The following SEMA6D variants were observed in gnomAD, a reference collection of about 807,000 sequenced individuals.
SEMA6D encodes the protein semaphorin-6D.
A neutral mutation model predicts 106.6 loss-of-function variants in SEMA6D; 35 were observed. The observed-to-expected ratio is 0.33, with a 90% CI of 0.25 to 0.44. The LOEUF (loss-of-function observed/expected upper bound fraction) is 0.44. Ranked by LOEUF, SEMA6D falls within the 20% of genes least tolerant of loss-of-function variation. The probability of loss-of-function intolerance (pLI) is 1.00; values close to 1 mark genes in which losing one functional copy is unlikely to be tolerated. For missense variants in SEMA6D, 1,185 were observed against 1,345.9 expected (o/e 0.88, Z 1.87); for synonymous variants, 499 against 487.7 (o/e 1.02, Z -0.31).
chr15:47,551,210 C>G (rs2045676476), intron 3 of SEMA6D, among the ~76,000 whole-genome samples: 1 of 152,076 alleles, frequency 6.6e-6, no homozygotes, highest in Non-Finnish European at 1.5e-5. Context: ...ATTAGATGAC[C>G]ACAACTCATG....
At chr15:47,358,677 G>A (rs1253792101) in intron 1 of SEMA6D, among the ~76,000 whole-genome samples, 2 of 152,198 alleles carry the variant, frequency 1.3e-5, no homozygotes, top group Admixed American at 6.5e-5. Context: ...GACAGAAGTA[G>A]TAATGTGCTA....
At chr15:47,339,337 G>T (rs1425410404) in intron 1 of SEMA6D, 1 of 152,192 alleles carries the variant, frequency 6.6e-6, no homozygotes, top group Non-Finnish European at 1.5e-5. Flanking sequence ...TATCTGGTGG[G>T]GAGGGGTCTT....
chr15:47,705,636 C>T (rs1270335791), intron 4 of SEMA6D, among the ~76,000 whole-genome samples: 1 of 152,102 alleles, frequency 6.6e-6, no homozygotes, highest in Non-Finnish European at 1.5e-5. Flanking sequence ...AGAGAATCAC[C>T]TCTTAATCAC....
At chr15:47,489,325 A>C (rs2043393483) in intron 3 of SEMA6D, among the ~76,000 whole-genome samples, 1 of 152,154 alleles carries the variant, frequency 6.6e-6, no homozygotes, top group Non-Finnish European at 1.5e-5. Context: ...CTGAGAGAAT[A>C]AATTTCTGTT....
intron 4 of SEMA6D, among the ~76,000 whole-genome samples, chr15:47,619,712 G>A (rs2077066121): frequency 2.0e-5 from 3 of 152,140 alleles, no homozygotes; most frequent in Non-Finnish European, 4.4e-5. Context: ...GAGAATCACT[G>A]ACTTAATGGA....
chr15:47,711,798 C>T (rs2079029122), intron 4 of SEMA6D, among the ~76,000 whole-genome samples: 1 of 152,142 alleles, frequency 6.6e-6, no homozygotes. Context: ...ATTTTTAGTG[C>T]CTCTTATTTG....
At chr15:47,333,138 C>T (rs2037410140) in intron 1 of SEMA6D, among the ~76,000 whole-genome samples, 1 of 152,096 alleles carries the variant, frequency 6.6e-6, no homozygotes. Flanking sequence ...AGTTTGGCCA[C>T]CTTTGATTAT....
chr15:47,735,791 G>C (rs2080414400), intron 1 of SEMA6D, among the ~76,000 whole-genome samples: 1 of 152,142 alleles, frequency 6.6e-6, no homozygotes, highest in South Asian at 2.1e-4. Flanking sequence ...CCGTAATGGT[G>C]AAAGCCCACA....
At chr15:47,442,628 A>G (rs1262903180) in intron 2 of SEMA6D, among the ~76,000 whole-genome samples, 3 of 152,084 alleles carry the variant, frequency 2.0e-5, no homozygotes, top group Admixed American at 6.6e-5. Flanking sequence ...TGTAAATATT[A>G]TGTTGACATT....
At chr15:47,512,659 T>C (rs749562300) in intron 3 of SEMA6D, among the ~76,000 whole-genome samples, 4 of 152,104 alleles carry the variant, frequency 2.6e-5, no homozygotes, top group Non-Finnish European at 4.4e-5. Context: ...GGTTACCAAA[T>C]TGGGGACCTG....
chr15:47,709,527 TTAA>T (rs1165164973), intron 4 of SEMA6D, among the ~76,000 whole-genome samples: 1 of 152,238 alleles, frequency 6.6e-6, no homozygotes, highest in Non-Finnish European at 1.5e-5. Context: ...ATTGCTGCTA[TTAA>T]TAATAAATGG....
intron 4 of SEMA6D, among the ~76,000 whole-genome samples, chr15:47,692,526 G>A (rs1008238121): frequency 1.3e-5 from 2 of 152,128 alleles, no homozygotes; most frequent in Non-Finnish European, 2.9e-5. Context: ...AGCCCAGAGT[G>A]AAGCTGTAAA....
At chr15:47,536,066 A>G (rs1217787836) in intron 3 of SEMA6D, among the ~76,000 whole-genome samples, 1 of 152,160 alleles carries the variant, frequency 6.6e-6, no homozygotes, top group Non-Finnish European at 1.5e-5. Flanking sequence ...CAGTTTTTTA[A>G]CTGCTTTGGA....
chr15:47,446,006 C>G (rs973273788), intron 2 of SEMA6D, among the ~76,000 whole-genome samples: 3 of 152,138 alleles, frequency 2.0e-5, no homozygotes, highest in African/African-American at 7.2e-5. Context: ...TCTTCCCTTC[C>G]CCCTCAAGGA....
chr15:47,667,425 G>A (rs894049213), intron 4 of SEMA6D, among the ~76,000 whole-genome samples: 4 of 152,154 alleles, frequency 2.6e-5, no homozygotes, highest in African/African-American at 7.2e-5. Context: ...GAGGGCAGCC[G>A]ACTTGGGCTG....
At chr15:47,378,210 T>C (rs2039515670) in intron 1 of SEMA6D, among the ~76,000 whole-genome samples, 1 of 152,070 alleles carries the variant, frequency 6.6e-6, no homozygotes, top group Non-Finnish European at 1.5e-5. Context: ...TGTTGAAGAT[T>C]GAAAGGCCAG....
At chr15:47,702,506 C>T (rs11070608) in intron 4 of SEMA6D, among the ~76,000 whole-genome samples, 45,690 of 152,106 alleles carry the variant, frequency 0.3, 8,596 homozygotes, top group Middle Eastern at 0.46. Context: ...ATCCAACAAT[C>T]GCACATTTTA....
chr15:47,394,629 G>C (rs2040149794), intron 1 of SEMA6D, among the ~76,000 whole-genome samples: 1 of 152,164 alleles, frequency 6.6e-6, no homozygotes, highest in Admixed American at 6.6e-5. Context: ...GAGCATTTCA[G>C]CCGATTCCTT....
chr15:47,645,546 A>G (rs956133249), intron 4 of SEMA6D, among the ~76,000 whole-genome samples: 7 of 151,882 alleles, frequency 4.6e-5, no homozygotes, highest in African/African-American at 1.5e-4. Flanking sequence ...ACACAACTCA[A>G]CACAACACTT....
Sources: gnomAD v4.1 joint callset for allele counts (sites outside exome capture counted in the v4.1 genomes callset) on GRCh38, gnomAD v4.1.1 for gene constraint, MANE v1.5 for transcripts, NCBI Gene and HGNC (gene_info 2026-07-23, HGNC 2026-07-21) for gene names.